ACSL3: variants seen among roughly 807,000 people sequenced by gnomAD.
ACSL3 encodes acyl-CoA synthetase long chain family member 3.
Under a neutral mutation model 84.7 loss-of-function variants are expected in ACSL3, and 34 were observed. That is an observed-to-expected ratio of 0.40 (90% CI 0.31 to 0.53). The LOEUF is 0.53. Ranked by LOEUF, ACSL3 falls within the 20% of genes least tolerant of loss-of-function variation. ACSL3 has a pLI of 0.48. For synonymous variants in ACSL3, 315 were observed against 299.4 expected (o/e 1.05, Z -0.54); for missense variants, 680 against 873.1 (o/e 0.78, Z 2.79).
rs781374154 is a variant in ACSL3 at position 222,924,559 on chromosome 2, A to G, written c.1256A>G (p.Gln419Arg). Reference protein sequence around the residue: ...FILAYNYKMEQISKGRNTPLC... With the variant: ...FILAYNYKMERISKGRNTPLC... Reference sequence around the variant, plus strand: ...CTGGCCTATAATTACAAAATGGAACAGATTTCAAAAGGACGTAATACTCCA... The same window carrying G: ...CTGGCCTATAATTACAAAATGGAACGGATTTCAAAAGGACGTAATACTCCA... Residue 419 changes from glutamine to arginine, a missense_variant, in exon 11 of 17, where the codon CAG becomes CGG. Physicochemically the swap from Gln to Arg is conservative, Grantham distance 43. Coordinates refer to ENST00000357430, the MANE Select transcript of ACSL3 (RefSeq NM_004457.5). 6.2e-7 allele frequency: 1 copy of G among 1,610,252 alleles called. No homozygotes were observed. The highest frequency in any genetic ancestry group is 1.1e-5 in the South Asian group (1 of 89,784).
intron 1 of ACSL3, among the ~76,000 whole-genome samples, chr2:222,883,395 C>CTGG (rs1454345865): frequency 6.6e-6 from 1 of 151,868 alleles, no homozygotes; most frequent in Non-Finnish European, 1.5e-5. Context: ...ATTGGTCATG[C>CTGG]TGGTCTCGAA....
intron 11 of ACSL3, 60 bp downstream of exon 11, chr2:222,924,655 C>T: frequency 7.2e-7 from 1 of 1,391,238 alleles, no homozygotes; most frequent in South Asian, 1.4e-5. Context: ...ATTTAGTTCA[C>T]ATTAATAGCC....
At position 222,908,723 on chromosome 2, in the gene ACSL3, TTCC is replaced by T. The variant is rs772395131; in HGVS notation, c.-40-5_-40-3del. Reference sequence around the variant, plus strand: ...TTTTGAACTAACGCCTTTCTTTTTCTTCCTCCTAGATTCTCGCTGAAGTCTGTT... The same window carrying T: ...TTTTGAACTAACGCCTTTCTTTTTCTTCCTAGATTCTCGCTGAAGTCTGTT... On this transcript the variant is annotated splice_polypyrimidine_tract_variant and splice_region_variant and intron_variant, in intron 3 of 16. Coordinates refer to ENST00000357430, the MANE Select transcript of ACSL3 (RefSeq NM_004457.5). The T allele has an allele frequency of 1.3e-5, 20 of 1,497,632 alleles. No individual in the cohort carries two copies. The highest frequency in any genetic ancestry group is 1.8e-5 in the Non-Finnish European group (20 of 1,117,636). 92.8% of individuals were successfully genotyped at this position (1,497,632 alleles called of 1,614,324 possible). A position where few individuals can be genotyped will look rare whatever the true frequency, so the allele number is the denominator to read the frequency against.
intron 1 of ACSL3, among the ~76,000 whole-genome samples, chr2:222,870,862 T>C (rs906743622): frequency 1.3e-5 from 2 of 152,174 alleles, no homozygotes; most frequent in African/African-American, 4.8e-5. Context: ...TTCTTTTTTT[T>C]CCCCTTTTGG....
At chr2:222,940,434 C>G (rs1222472120) in intron 16 of ACSL3, among the ~76,000 whole-genome samples, 1 of 150,152 alleles carries the variant, frequency 6.7e-6, no homozygotes, top group Non-Finnish European at 1.5e-5. Flanking sequence ...CTCCTCACAT[C>G]TAGGTGCATA....
In ACSL3 at chr2:222,930,822, C is replaced by T; in HGVS notation, c.1732+10C>T. 6.3e-7 allele frequency: 1 copy of T among 1,577,262 alleles called. No homozygotes were observed. Among genetic ancestry groups the T allele is most frequent in the Non-Finnish European group, 8.6e-7 (1 of 1,163,116 alleles). On this transcript the variant is annotated intron_variant, in intron 14 of 16. Coordinates refer to ENST00000357430, the MANE Select transcript of ACSL3 (RefSeq NM_004457.5). ...TGCTTAAAGATTATTGGTAAGTCAT[C>T]TAATATTTTTTTGAAAATGAATGTT...
chr2:222,880,690 C>T (rs902039189), intron 1 of ACSL3, among the ~76,000 whole-genome samples: 1 of 151,686 alleles, frequency 6.6e-6, no homozygotes, highest in Non-Finnish European at 1.5e-5. Flanking sequence ...ATTAGCCAGG[C>T]GTGGTGGTGG....
At position 222,883,736 on chromosome 2, in the gene ACSL3, C is replaced by G. The variant is rs192810899; in HGVS notation, c.-206-4094C>G. 1.8e-4 allele frequency among the ~76,000 whole-genome samples: 28 copies of G among 152,032 alleles called. No individual in the cohort carries two copies. In the East Asian group the frequency reaches 5.2e-3, roughly 28 times the overall value. ...ATTTCTGGAACTCCTTGTAATGGAA[C>G]TTGAATCTCTTGGATTAATTTAACA... is the stretch of plus-strand genomic sequence containing the variant. On this transcript the variant is annotated intron_variant, in intron 1 of 16. Coordinates refer to ENST00000357430, the MANE Select transcript of ACSL3 (RefSeq NM_004457.5).
chr2:222,865,911 C>T (rs946284282), intron 1 of ACSL3, among the ~76,000 whole-genome samples: 1 of 152,142 alleles, frequency 6.6e-6, no homozygotes, highest in African/African-American at 2.4e-5. Flanking sequence ...TTACTATCCT[C>T]ATGTTGATTG....
At chr2:222,879,010 A>T (rs1035150424) in intron 1 of ACSL3, among the ~76,000 whole-genome samples, 29 of 151,902 alleles carry the variant, frequency 1.9e-4, no homozygotes, top group African/African-American at 7.0e-4. Flanking sequence ...AATCATTCTT[A>T]AAAAAAACAA....
At position 222,882,795 on chromosome 2, in the gene ACSL3, G is replaced by T. The variant is rs529154054; in HGVS notation, c.-206-5035G>T. On this transcript the variant is annotated intron_variant, in intron 1 of 16. Transcript: ENST00000357430. Reference sequence around the variant, plus strand: ...TTTTTTTTTTTGAAGACAGATTCTCGCTCTGTCGCCCAGGCTGGCTGGAGT... The same window carrying T: ...TTTTTTTTTTTGAAGACAGATTCTCTCTCTGTCGCCCAGGCTGGCTGGAGT... Among the ~76,000 whole-genome samples, 3 of 118,252 alleles carry T rather than the reference G, an allele frequency of 2.5e-5. No individual in the cohort carries two copies. In the South Asian group the frequency reaches 8.6e-4, roughly 34 times the overall value. The allele number at this position is 118,252 out of a possible 152,430, so 77.6% of individuals were successfully genotyped here. A position where few individuals can be genotyped will look rare whatever the true frequency, so the allele number is the denominator to read the frequency against.
At chr2:222,924,305 G>A in intron 10 of ACSL3, 151 bp from the exon 11 acceptor site, 1 of 638,212 alleles carries the variant, frequency 1.6e-6, no homozygotes, top group Non-Finnish European at 2.4e-6. Flanking sequence ...ATTCACAAAA[G>A]GTTTTTTCCT....
chr2:222,908,907 C>G lies in ACSL3; in HGVS notation c.135C>G (p.Ser45=), dbSNP rs141059382. 85 of 1,611,266 alleles carry G rather than the reference C, an allele frequency of 5.3e-5. No individual in the cohort carries two copies. Among genetic ancestry groups the G allele is most frequent in the South Asian group, 2.2e-4 (20 of 90,258 alleles). Residue 45 remains serine (S), a synonymous_variant, in exon 4 of 17, where the codon TCC becomes TCG. Transcript: ENST00000357430. ...CATACATTCCGTTTTATTTTTTCTC[C>G]GAGTCAAGACAAGAAAAATCAAACC... ...ILTYIPFYFF[S]ESRQEKSNRI...
intron 1 of ACSL3, among the ~76,000 whole-genome samples, chr2:222,873,583 AGT>A (rs1695362257): frequency 1.3e-5 from 2 of 152,368 alleles, no homozygotes; most frequent in Non-Finnish European, 2.9e-5. Flanking sequence ...AGATATAGCC[AGT>A]GCTGAGGTGC....
intron 1 of ACSL3, among the ~76,000 whole-genome samples, chr2:222,873,615 TTGTG>T (rs1344070805): frequency 6.6e-6 from 1 of 152,238 alleles, no homozygotes. Flanking sequence ...TGATACCTGT[TTGTG>T]TGTATGTTAA....
intron 4 of ACSL3, among the ~76,000 whole-genome samples, chr2:222,914,690 TCTG>T (rs1158285831): frequency 6.6e-6 from 1 of 152,220 alleles, no homozygotes; most frequent in Non-Finnish European, 1.5e-5. Context: ...GGTTGGCTGT[TCTG>T]CAGCAGTGTT....
At chr2:222,934,837 C>G (rs1697131845) in intron 16 of ACSL3, 150 bp downstream of exon 16, 3 of 743,318 alleles carry the variant, frequency 4.0e-6, no homozygotes, top group Non-Finnish European at 4.1e-6. Flanking sequence ...TATCAGTCCC[C>G]CATTCAAGCC....
At position 222,871,412 on chromosome 2, in the gene ACSL3, G is replaced by T. The variant is rs75539131; in HGVS notation, c.-207+10154G>T. On this transcript the variant is annotated intron_variant, in intron 1 of 16. Coordinates refer to ENST00000357430, the MANE Select transcript of ACSL3 (RefSeq NM_004457.5). ...CAGGGAGTGGCGGAAAGTGAACAAA[G>T]TTCTGGGCTTAGATGTTTATAGAAT... Among the ~76,000 whole-genome samples the T allele has an allele frequency of 8.4e-3, 1,280 of 152,282 alleles. 19 individuals are homozygous for T. The highest frequency in any genetic ancestry group is 0.027 in the Middle Eastern group (8 of 292).
chr2:222,883,215 T>G (rs1400538238), intron 1 of ACSL3, among the ~76,000 whole-genome samples: 2 of 150,802 alleles, frequency 1.3e-5, no homozygotes. Context: ...AGTTTTGCTC[T>G]TGTTGCCCAG....
Sources: gnomAD v4.1 joint callset for allele counts (sites outside exome capture counted in the v4.1 genomes callset) on GRCh38, gnomAD v4.1.1 for gene constraint, MANE v1.5 for transcripts, NCBI Gene and HGNC (gene_info 2026-07-23, HGNC 2026-07-21) for gene names.